Variants in ANK2 observed in about 807,000 individuals in gnomAD.
ANK2 encodes the protein ankyrin 2.
In ANK2, 83 loss-of-function variants were observed where a neutral mutation model predicts 360.5. The observed-to-expected ratio is 0.23, with a 90% CI of 0.19 to 0.28. The LOEUF (loss-of-function observed/expected upper bound fraction) is 0.28, where lower values mean the gene tolerates loss of function less well. ANK2 is among the 10% of genes least tolerant of loss of function. The pLI is 1.00. For synonymous variants in ANK2, 1,740 were observed against 1,759.5 expected (o/e 0.99, Z 0.28); for missense variants, 4,201 against 4,795.7 (o/e 0.88, Z 3.66).
intron 45 of ANK2, among the ~76,000 whole-genome samples, chr4:113,376,471 T>C (rs550525187): frequency 1.3e-5 from 2 of 152,248 alleles, no homozygotes; most frequent in South Asian, 4.1e-4. Flanking sequence ...GAGTGAGTGG[T>C]GAGAGAATGT....
At chr4:113,305,384 A>G (rs909562863) in intron 23 of ANK2, among the ~76,000 whole-genome samples, 8 of 150,372 alleles carry the variant, frequency 5.3e-5, no homozygotes, top group Non-Finnish European at 1.2e-4. Context: ...TGCCTATTGC[A>G]TTAAATGAGA....
At chr4:112,842,705 G>T (rs184723075) in intron 1 of ANK2, among the ~76,000 whole-genome samples, 17 of 152,306 alleles carry the variant, frequency 1.1e-4, no homozygotes, top group Admixed American at 8.5e-4. Flanking sequence ...CCCACTGGCC[G>T]CTCAGCTCCT....
At chr4:112,866,307 C>T (rs531365761) in intron 1 of ANK2, among the ~76,000 whole-genome samples, 1 of 152,144 alleles carries the variant, frequency 6.6e-6, no homozygotes, top group Non-Finnish European at 1.5e-5. Flanking sequence ...ACATCAAAAT[C>T]TGGATCACAG....
rs543103608 is a variant in ANK2 at position 113,042,633 on chromosome 4, T to C, written c.22-131783T>C. 5.9e-4 allele frequency among the ~76,000 whole-genome samples: 89 copies of C among 152,110 alleles called. 1 individual carries two copies. Among genetic ancestry groups the C allele is most frequent in the Non-Finnish European group, 7.6e-4 (52 of 68,024 alleles). On this transcript the variant is annotated intron_variant, in intron 2 of 30. Coordinates refer to the ANK2 transcript ENST00000503271. ...TGGACAAACATGCTTGCTGATACTT[T>C]TAGGCCTAGGATGGAGTCACTACTG... is the stretch of plus-strand genomic sequence containing the variant.
At chr4:112,716,339 C>T in the ANK2 span, among the ~76,000 whole-genome samples, 1 of 152,220 alleles carries the variant, frequency 6.6e-6, no homozygotes, top group East Asian at 1.9e-4. Flanking sequence ...CAAGCAGTCC[C>T]TCCAACCTTG....
Position 113,056,226 on chromosome 4 carries a change from ATTT to A in ANK2, c.84+6416_84+6418del, listed in dbSNP as rs1377391029. On this transcript the variant is annotated intron_variant, in intron 1 of 45. Transcript: ENST00000357077. Reference sequence around the variant, plus strand: ...ATAAAAAGTTCACCCTACTTTCACCATTTTAGCTCTAATTATTCTCTTGAGAAA... The same window carrying A: ...ATAAAAAGTTCACCCTACTTTCACCATAGCTCTAATTATTCTCTTGAGAAA... Among the ~76,000 whole-genome samples, 4 of 152,152 alleles carry A rather than the reference ATTT, an allele frequency of 2.6e-5. 1 individual carries two copies. The highest frequency in any genetic ancestry group is 2.6e-4 in the Admixed American group (4 of 15,270).
At chr4:113,220,513 T>C (rs2099138344) in intron 4 of ANK2, among the ~76,000 whole-genome samples, 1 of 152,256 alleles carries the variant, frequency 6.6e-6, no homozygotes, top group African/African-American at 2.4e-5. Context: ...ATTTGTTTTC[T>C]TTTTAAATTT....
chr4:113,307,587 G>A (rs2077858317), intron 23 of ANK2, among the ~76,000 whole-genome samples: 1 of 151,922 alleles, frequency 6.6e-6, no homozygotes, highest in South Asian at 2.1e-4. Context: ...ATTTTTAGTA[G>A]AGACTGGTTT....
At chr4:113,159,382 A>G (rs1432817633) in intron 1 of ANK2, among the ~76,000 whole-genome samples, 1 of 152,158 alleles carries the variant, frequency 6.6e-6, no homozygotes, top group African/African-American at 2.4e-5. Context: ...GGCCAGAATA[A>G]TTTTGACATA....
intron 1 of ANK2, among the ~76,000 whole-genome samples, chr4:113,082,848 T>G (rs2154348264): frequency 6.6e-6 from 1 of 152,306 alleles, no homozygotes; most frequent in East Asian, 1.9e-4. Flanking sequence ...ATTTTTATAT[T>G]TCCTGAAAGG....
chr4:112,838,207 C>G (rs2061396889), intron 1 of ANK2, among the ~76,000 whole-genome samples: 1 of 152,204 alleles, frequency 6.6e-6, no homozygotes, highest in African/African-American at 2.4e-5. Context: ...TCCTCATTCT[C>G]TCTCTCTTTC....
intron 1 of ANK2, among the ~76,000 whole-genome samples, chr4:112,873,397 C>T (rs1372511940): frequency 1.3e-5 from 2 of 151,676 alleles, no homozygotes; most frequent in African/African-American, 2.4e-5. Context: ...TTTAGTATGT[C>T]GTATTTTCAT....
At chr4:112,899,916 A>G (rs2082799776) in intron 1 of ANK2, among the ~76,000 whole-genome samples, 1 of 152,180 alleles carries the variant, frequency 6.6e-6, no homozygotes, top group South Asian at 2.1e-4. Context: ...GAATGAATGA[A>G]TGAATGAATG....
the ANK2 span, among the ~76,000 whole-genome samples, chr4:112,746,156 A>C: frequency 6.6e-6 from 1 of 152,182 alleles, no homozygotes; most frequent in Non-Finnish European, 1.5e-5. Flanking sequence ...TGACAATTAA[A>C]TTAGCAAGTA....
rs569023639 is a variant in ANK2 at position 112,831,165 on chromosome 4, C to T, written c.-40+12901C>T. Among the ~76,000 whole-genome samples the T allele has an allele frequency of 5.9e-5, 9 of 152,372 alleles. No individual in the cohort carries two copies. In the South Asian group the frequency reaches 1.7e-3, roughly 28 times the overall value. On this transcript the variant is annotated intron_variant, in intron 1 of 30. Transcript: ENST00000503271. Reference sequence around the variant, plus strand: ...CCTACTCTGCAGCGCCCAGTCCCATCGACTGCCCAAGGGCTGAGGAGTGCG... The same window carrying T: ...CCTACTCTGCAGCGCCCAGTCCCATTGACTGCCCAAGGGCTGAGGAGTGCG...
At position 113,358,768 on chromosome 4, in the gene ANK2, C is replaced by G; in HGVS notation, c.10150C>G (p.Pro3384Ala). The change falls in exon 38 of 46, where the codon CCA (proline) becomes GCA (alanine). Residue 3384 changes from proline to alanine, a missense_variant. By Grantham distance (27) the Pro-to-Ala change is conservative (BLOSUM62 -1). Coordinates refer to ENST00000357077, the MANE Select transcript of ANK2 (RefSeq NM_001148.6). ...GGGACAGGACATGGCAAGCATCGCA[C>G]CAGATAATAGAAGCAAATCTGAATC... is the stretch of plus-strand genomic sequence containing the variant. ...PQGQDMASIA[P>A]DNRSKSESDA... 1 of 1,614,064 alleles carries G rather than the reference C, an allele frequency of 6.2e-7. No homozygotes were observed. Among genetic ancestry groups the G allele is most frequent in the Non-Finnish European group, 8.5e-7 (1 of 1,179,960 alleles).
chr4:113,067,590 A>G (rs1050075370), intron 1 of ANK2, among the ~76,000 whole-genome samples: 34 of 152,184 alleles, frequency 2.2e-4, no homozygotes, highest in African/African-American at 8.2e-4. Context: ...CACGAGTAAT[A>G]AAATCCCTCA....
chr4:113,106,270 G>A (rs763554760), intron 1 of ANK2, among the ~76,000 whole-genome samples: 3 of 152,114 alleles, frequency 2.0e-5, no homozygotes, highest in Admixed American at 1.3e-4. Flanking sequence ...ATCCAGCAGA[G>A]GGCTACCAAA....
At chr4:113,133,953 G>C (rs140321212) in intron 1 of ANK2, among the ~76,000 whole-genome samples, 50 of 150,846 alleles carry the variant, frequency 3.3e-4, no homozygotes, top group Admixed American at 2.1e-3. Context: ...ACCTTTCAAG[G>C]AACAGACAAA....
Sources: allele counts gnomAD v4.1 joint callset (sites outside exome capture counted in the v4.1 genomes callset), GRCh38; gene constraint gnomAD v4.1.1; transcripts MANE v1.5; gene names NCBI Gene and HGNC (gene_info 2026-07-23, HGNC 2026-07-21).